Variants in TNS4 observed in about 807,000 individuals in gnomAD.
TNS4 encodes the protein tensin-4.
TNS4 carries 46 observed loss-of-function variants against 70.4 expected under a neutral mutation model. That is an observed-to-expected ratio of 0.65 (90% CI 0.52 to 0.84). TNS4 has a LOEUF of 0.84. Ranked by LOEUF, TNS4 falls within the 40% of genes least tolerant of loss-of-function variation. The probability of loss-of-function intolerance (pLI) is 0.00; values close to 1 mark genes in which losing one functional copy is unlikely to be tolerated. For missense variants in TNS4, 863 were observed against 907.0 expected (o/e 0.95, Z 0.62); for synonymous variants, 390 against 366.6 (o/e 1.06, Z -0.73).
rs267604850 is a variant in TNS4, at chr17:40,478,619, G to A, written c.1940C>T (p.Thr647Ile). 3.1e-6 allele frequency: 5 copies of A among 1,614,172 alleles called. No homozygotes were observed. The highest frequency in any genetic ancestry group is 1.1e-5 in the South Asian group (1 of 91,082). Residue 647 changes from threonine (T) to isoleucine (I), a missense_variant, in exon 11 of 13, where the codon ACC becomes ATC. By Grantham distance (89) the Thr-to-Ile change is moderately conservative. Transcript: ENST00000254051. ...KVFFRRHYPL[T>I]TLRFCGMDPE... ...GTCCATACCACAGAAGCGGAGGGTG[G>A]TGAGTGGGTAATGGCGCCGGAAAAA...
chr17:40,480,527 AG>A (rs1454545967), intron 9 of TNS4, among the ~76,000 whole-genome samples, 172 bp downstream of exon 9: 2 of 151,762 alleles, frequency 1.3e-5, no homozygotes, highest in Non-Finnish European at 2.9e-5. Flanking sequence ...TCTGTTTTAC[AG>A]GGGTGATGGG....
rs1387030729 is a variant in TNS4, at chr17:40,496,186, C to T, written c.240G>A (p.Leu80=). Residue 80 remains leucine, a synonymous_variant, in exon 2 of 13, where the codon CTG becomes CTA. Transcript: ENST00000254051. ...CCAAGGCCTTCTCACCAGGGGACGG[C>T]AGGAAGCAGGTGGCTTTGGCCTCCA... is the stretch of plus-strand genomic sequence containing the variant. ...PQVEAKATCF[L]PSPGEKALGT... 6.2e-7 allele frequency: 1 copy of T among 1,607,084 alleles called. No homozygotes were observed. Among genetic ancestry groups the T allele is most frequent in the African/African-American group, 1.3e-5 (1 of 74,750 alleles).
At chr17:40,499,721 A>C (rs1196394692) in intron 1 of TNS4, among the ~76,000 whole-genome samples, 1 of 152,232 alleles carries the variant, frequency 6.6e-6, no homozygotes, top group East Asian at 1.9e-4. Flanking sequence ...CTCCCGGGAC[A>C]GCTGAGGACA....
intron 6 of TNS4, 96 bp downstream of exon 6, chr17:40,484,388 T>C: frequency 3.3e-6 from 5 of 1,536,782 alleles, no homozygotes; most frequent in South Asian, 2.4e-5. Flanking sequence ...ACTGGCGCCA[T>C]GTCACCCTGA....
In TNS4 at chr17:40,484,586, C is replaced by G; in HGVS notation, c.1399G>C (p.Glu467Gln). ...EQAIELLRKE[E>Q]PGAFVIRDSS... ...TCCCTTATGACAAAAGCCCCTGGCT[C>G]CTCCTTCCTCAGCAGCTCGATTGCT... Residue 467 changes from glutamate to glutamine, a missense_variant, in exon 6 of 13, where the codon GAG (glutamate) becomes CAG (glutamine). Coordinates refer to ENST00000254051, the MANE Select transcript of TNS4 (RefSeq NM_032865.6). 6.2e-7 allele frequency: 1 copy of G among 1,612,818 alleles called. No individual in the cohort carries two copies. The highest frequency in any genetic ancestry group is 8.5e-7 in the Non-Finnish European group (1 of 1,180,022).
intron 6 of TNS4, 37 bp downstream of exon 6, chr17:40,484,447 A>G: frequency 6.2e-7 from 1 of 1,601,410 alleles, no homozygotes; most frequent in Non-Finnish European, 8.5e-7. Flanking sequence ...CCGCTGCCTC[A>G]GTGAGGCCTT....
At chr17:40,483,387 G>A (rs1284892199) in intron 6 of TNS4, among the ~76,000 whole-genome samples, 1 of 152,036 alleles carries the variant, frequency 6.6e-6, no homozygotes, top group Non-Finnish European at 1.5e-5. Flanking sequence ...TTTTTGTAGC[G>A]ACAGGGTTTT....
At chr17:40,478,466 C>T in intron 11 of TNS4, 114 bp downstream of exon 11, 2 of 1,503,952 alleles carry the variant, frequency 1.3e-6, no homozygotes, top group Non-Finnish European at 1.8e-6. Flanking sequence ...GTCACCCTGA[C>T]CCCTTGAGGT....
intron 2 of TNS4, among the ~76,000 whole-genome samples, chr17:40,492,764 T>C (rs146413343): frequency 0.048 from 7,354 of 151,852 alleles, 303 homozygotes; most frequent in African/African-American, 0.11. Flanking sequence ...TGGCAGGGCA[T>C]GGTGGCTCAT....
At chr17:40,495,361 T>G (rs1227349518) in intron 2 of TNS4, among the ~76,000 whole-genome samples, 1 of 152,150 alleles carries the variant, frequency 6.6e-6, no homozygotes, top group Non-Finnish European at 1.5e-5. Flanking sequence ...GTTGGTAGTT[T>G]GAAATTGGCC....
At chr17:40,495,787 C>A (rs1408354602) in intron 2 of TNS4, among the ~76,000 whole-genome samples, 200 bp downstream of exon 2, 1 of 152,118 alleles carries the variant, frequency 6.6e-6, no homozygotes, top group Admixed American at 6.5e-5. Flanking sequence ...ACTCAGGAAC[C>A]AAATAGAATT....
Position 40,487,343 on chromosome 17 carries a change from T to G in TNS4, c.981A>C (p.Thr327=). The part of the protein sequence containing the change: ...LHSLGSVSLC[T]RPSDFQAPRN... ...TGGGAGCCTGGAAGTCACTGGGTCT[T>G]GTACACAGGGACACTGAGCCAAGGC... Residue 327 remains threonine, a synonymous_variant, in exon 4 of 13, where the codon ACA becomes ACC. Coordinates refer to ENST00000254051, the MANE Select transcript of TNS4 (RefSeq NM_032865.6). 1.9e-6 allele frequency: 3 copies of G among 1,614,136 alleles called. No homozygotes were observed. Among genetic ancestry groups the G allele is most frequent in the Non-Finnish European group, 2.5e-6 (3 of 1,180,016 alleles).
intron 2 of TNS4, among the ~76,000 whole-genome samples, chr17:40,491,014 T>C (rs1468964462): frequency 8.5e-5 from 13 of 152,170 alleles, no homozygotes; most frequent in Non-Finnish European, 1.9e-4. Flanking sequence ...CTTAGAAAGA[T>C]GACTGCAAGA....
Position 40,496,306 on chromosome 17 carries a change from A to G in TNS4, c.120T>C (p.Cys40=), listed in dbSNP as rs756611051. Residue 40 remains cysteine (C), a synonymous_variant, in exon 2 of 13, where the codon TGT becomes TGC. Transcript: ENST00000254051. The part of the protein sequence containing the change: ...PAPSPSLPPQ[C]SYYTTEGWGA... ...CCCAGCCTTCCGTGGTGTAGTAAGA[A>G]CACTGGGGTGGCAGGCTGGGGCTGG... The G allele has an allele frequency of 6.2e-7, 1 of 1,613,526 alleles. No homozygotes were observed. Among genetic ancestry groups the G allele is most frequent in the Non-Finnish European group, 8.5e-7 (1 of 1,179,766 alleles).
chr17:40,477,340 A>G lies in TNS4; in HGVS notation c.*248T>C. 2.1e-6 allele frequency: 1 copy of G among 479,202 alleles called. No individual in the cohort carries two copies. Among genetic ancestry groups the G allele is most frequent in the Non-Finnish European group, 3.7e-6 (1 of 268,810 alleles). The allele number at this position is 479,202 out of a possible 1,614,324, so 29.7% of individuals were successfully genotyped here. The stretch of plus-strand genomic sequence containing the variant: ...GGAGCATGTTCAAATGCCCACCAGC[A>G]TCTAAGAACAGCTGATCTTGTCTAT... On this transcript the variant is annotated 3_prime_UTR_variant, in exon 13 of 13. Transcript: ENST00000254051.
chr17:40,482,379 G>C lies in TNS4; in HGVS notation c.1539C>G (p.Ile513Met), dbSNP rs750186791. ...DSNDLIRHFL[I>M]ESSAKGVHLK... is the part of the protein sequence containing the mutation. ...GATGCACTCCTTTGGCAGACGACTC[G>C]ATGAGGAAGTGTCGGATGAGGTCAT... is the stretch of plus-strand genomic sequence containing the variant. The change falls in exon 7 of 13, where the codon ATC becomes ATG. Residue 513 changes from isoleucine to methionine, a missense_variant. Transcript: ENST00000254051. 2 of 1,614,090 alleles carry C rather than the reference G, an allele frequency of 1.2e-6. No homozygotes were observed. The highest frequency in any genetic ancestry group is 2.2e-5 in the South Asian group (2 of 91,080).
At chr17:40,493,273 T>C (rs1033356519) in intron 2 of TNS4, among the ~76,000 whole-genome samples, 3 of 152,216 alleles carry the variant, frequency 2.0e-5, no homozygotes, top group African/African-American at 7.2e-5. Context: ...AAACATCTCC[T>C]AGCACGGTAA....
chr17:40,492,818 C>T (rs866268900), intron 2 of TNS4, among the ~76,000 whole-genome samples: 1 of 151,888 alleles, frequency 6.6e-6, no homozygotes, highest in Admixed American at 6.6e-5. Flanking sequence ...GGGCGAATCA[C>T]CGAGGTGGAC....
chr17:40,483,799 G>T (rs2035957317), intron 6 of TNS4, among the ~76,000 whole-genome samples: 1 of 152,188 alleles, frequency 6.6e-6, no homozygotes, highest in African/African-American at 2.4e-5. Flanking sequence ...TCACTTAATT[G>T]CTCTGGAGTC....
Sources: allele counts gnomAD v4.1 joint callset (sites outside exome capture counted in the v4.1 genomes callset), GRCh38; gene constraint gnomAD v4.1.1; transcripts MANE v1.5; gene names NCBI Gene and HGNC (gene_info 2026-07-23, HGNC 2026-07-21).